The following DLG2 variants were observed in gnomAD, a reference collection of about 807,000 sequenced individuals.
DLG2 encodes disks large homolog 2.
In DLG2, 45 loss-of-function variants were observed where a neutral mutation model predicts 132.5. The ratio of observed to expected loss-of-function variants is 0.34; its 90% CI spans 0.27 to 0.44. The LOEUF is 0.44. Ranked by LOEUF, DLG2 falls within the 20% of genes least tolerant of loss-of-function variation. DLG2 has a pLI of 1.00. For missense variants in DLG2, 1,045 were observed against 1,196.9 expected, an observed-to-expected ratio of 0.87 and a Z score of 1.87; for synonymous variants, 424 against 419.6, an observed-to-expected ratio of 1.01 and a Z score of -0.13.
chr11:83,696,704 A>C (rs780319582), intron 18 of DLG2, among the ~76,000 whole-genome samples: 1 of 152,224 alleles, frequency 6.6e-6, no homozygotes, highest in African/African-American at 2.4e-5. Context: ...GCCTATGATT[A>C]ATTCAATTAA....
chr11:84,184,020 A>G (rs9704795), intron 8 of DLG2, among the ~76,000 whole-genome samples: 151,626 of 151,628 alleles, frequency 1, 75,812 homozygotes, highest in Non-Finnish European at 1. Context: ...ATTGTGAATA[A>G]TGCCGCAATA....
rs945808639 is a variant in DLG2 at position 84,952,417 on chromosome 11, T to A, written c.357+159244A>T. On this transcript the variant is annotated intron_variant, in intron 6 of 27. Transcript: ENST00000376104. The stretch of plus-strand genomic sequence containing the variant: ...CTGTAGTCCCAGCTACTCGGGAGGC[T>A]GAGGCAGGAGAATGGCGTGAACCCG... Among the ~76,000 whole-genome samples, 12 of 152,084 alleles carry A rather than the reference T, an allele frequency of 7.9e-5. 1 individual carries two copies. Among genetic ancestry groups the A allele is most frequent in the Middle Eastern group, 6.8e-3 (2 of 294 alleles).
chr11:83,753,864 TTCATATATATGATATATATCATATATA>T (rs2093509706), intron 18 of DLG2, among the ~76,000 whole-genome samples: 1 of 10,594 alleles, frequency 9.4e-5, no homozygotes, highest in Non-Finnish European at 1.4e-4. Context: ...ATATATATAT[TTCATATATATGATATATATCATATATA>T]TCATATATAT....
intron 6 of DLG2, among the ~76,000 whole-genome samples, chr11:84,784,342 A>AATTAATTAATTAATT (rs1565952882): frequency 6.8e-6 from 1 of 147,344 alleles, no homozygotes; most frequent in African/African-American, 2.5e-5. Flanking sequence ...ATAAATAAAT[A>AATTAATTAATTAATT]AATAAATAAA....
intron 6 of DLG2, among the ~76,000 whole-genome samples, chr11:84,918,567 C>A (rs528348650): frequency 6.6e-6 from 1 of 152,160 alleles, no homozygotes; most frequent in South Asian, 2.1e-4. Context: ...ACTGAATAAA[C>A]CTGGTGAAAA....
At chr11:84,668,709 A>G (rs2099702471) in intron 6 of DLG2, among the ~76,000 whole-genome samples, 1 of 152,148 alleles carries the variant, frequency 6.6e-6, no homozygotes, top group Non-Finnish European at 1.5e-5. Flanking sequence ...GCTGACTCTG[A>G]GTCAAGTCAC....
chr11:84,921,659 A>T (rs931679871), intron 6 of DLG2, among the ~76,000 whole-genome samples: 12 of 152,152 alleles, frequency 7.9e-5, no homozygotes, highest in Non-Finnish European at 7.4e-5. Flanking sequence ...CTCTTTATCT[A>T]AATTATTTAT....
intron 6 of DLG2, among the ~76,000 whole-genome samples, chr11:84,715,499 C>A (rs538913582): frequency 6.6e-6 from 1 of 152,110 alleles, no homozygotes; most frequent in African/African-American, 2.4e-5. Flanking sequence ...TCCACATAAC[C>A]GCAACTTTGT....
intron 4 of DLG2, among the ~76,000 whole-genome samples, chr11:85,232,066 G>A (rs928614396): frequency 6.6e-6 from 1 of 151,732 alleles, no homozygotes; most frequent in Non-Finnish European, 1.5e-5. Flanking sequence ...CTTAGCAGCT[G>A]TAAGAGCCAA....
chr11:83,999,660 G>A (rs922890829), intron 11 of DLG2, among the ~76,000 whole-genome samples: 2 of 152,076 alleles, frequency 1.3e-5, no homozygotes, highest in African/African-American at 4.8e-5. Flanking sequence ...CCAAAGATTG[G>A]ACTGCTTGGC....
At chr11:85,411,928 T>C (rs930677292) in intron 3 of DLG2, among the ~76,000 whole-genome samples, 2 of 151,858 alleles carry the variant, frequency 1.3e-5, no homozygotes, top group Admixed American at 6.6e-5. Context: ...TCCAAACTTA[T>C]CTAAATTTAA....
intron 3 of DLG2, among the ~76,000 whole-genome samples, chr11:85,481,212 A>C (rs1204290043): frequency 6.6e-6 from 1 of 152,246 alleles, no homozygotes; most frequent in Non-Finnish European, 1.5e-5. Flanking sequence ...TAACGTGCTC[A>C]AATGGCACCT....
intron 6 of DLG2, among the ~76,000 whole-genome samples, chr11:84,903,178 C>T (rs764593934): frequency 2.6e-5 from 4 of 152,134 alleles, no homozygotes; most frequent in Admixed American, 2.0e-4. Context: ...ATAAAACATA[C>T]AAGAGAATGA....
intron 15 of DLG2, among the ~76,000 whole-genome samples, chr11:83,910,903 G>T (rs1265176124): frequency 1.3e-5 from 2 of 152,078 alleles, no homozygotes; most frequent in Non-Finnish European, 2.9e-5. Context: ...CCAACAAATT[G>T]ATATCAAGGG....
chr11:84,228,062 A>T (rs996475575), intron 8 of DLG2, among the ~76,000 whole-genome samples: 1 of 152,146 alleles, frequency 6.6e-6, no homozygotes, highest in African/African-American at 2.4e-5. Flanking sequence ...ATCACAAACT[A>T]TTTCATGATT....
chr11:84,597,206 C>T (rs960385021), intron 6 of DLG2, among the ~76,000 whole-genome samples: 2 of 151,442 alleles, frequency 1.3e-5, no homozygotes, highest in Admixed American at 6.6e-5. Flanking sequence ...GATGACAGAT[C>T]GAGACTCTGT....
intron 21 of DLG2, among the ~76,000 whole-genome samples, chr11:83,517,192 G>C (rs1286831146): frequency 6.6e-6 from 1 of 152,136 alleles, no homozygotes; most frequent in Non-Finnish European, 1.5e-5. Context: ...TTTTCACATA[G>C]TCCCATATTT....
At chr11:84,434,157 G>C (rs2098993563) in intron 7 of DLG2, among the ~76,000 whole-genome samples, 1 of 150,356 alleles carries the variant, frequency 6.7e-6, no homozygotes. Flanking sequence ...GACAAAACAA[G>C]TTTGCTACAC....
chr11:85,065,321 T>A (rs1382931675), intron 6 of DLG2, among the ~76,000 whole-genome samples: 3 of 151,150 alleles, frequency 2.0e-5, no homozygotes, highest in Non-Finnish European at 4.4e-5. Context: ...CAAATTTGAC[T>A]ATGTTACTCC....
Sources: gnomAD v4.1 joint callset for allele counts (sites outside exome capture counted in the v4.1 genomes callset) on GRCh38, gnomAD v4.1.1 for gene constraint, MANE v1.5 for transcripts, NCBI Gene and HGNC (gene_info 2026-07-23, HGNC 2026-07-21) for gene names.